The following COL5A2 variants were observed in gnomAD, a reference collection of about 807,000 sequenced individuals.
The protein encoded by COL5A2 is collagen alpha-2(V) chain.
Under a neutral mutation model 208.2 loss-of-function variants are expected in COL5A2, and 23 were observed. The ratio of observed to expected loss-of-function variants is 0.11; its 90% CI spans 0.08 to 0.16. The LOEUF is 0.16. Ranked by LOEUF, COL5A2 falls within the 10% of genes least tolerant of loss-of-function variation. The pLI, the probability that COL5A2 is intolerant of heterozygous loss-of-function variation, is 1.00. For synonymous variants in COL5A2, 625 were observed against 628.5 expected, an observed-to-expected ratio of 0.99 and a Z score of 0.08; for missense variants, 1,590 against 1,956.4, an observed-to-expected ratio of 0.81 and a Z score of 3.53.
intron 3 of COL5A2, among the ~76,000 whole-genome samples, chr2:189,103,852 C>T (rs987599997): frequency 5.9e-5 from 9 of 151,962 alleles, no homozygotes; most frequent in South Asian, 2.1e-4. Context: ...TGACATTCTT[C>T]GTTCCTTCCT....
the COL5A2 span, among the ~76,000 whole-genome samples, chr2:189,342,609 C>A: frequency 7.1e-6 from 1 of 139,896 alleles, no homozygotes; most frequent in African/African-American, 2.5e-5. Flanking sequence ...ATTCAGTTTA[C>A]CTTAGAGGCT....
At chr2:189,084,440 C>T (rs1320885675) in intron 11 of COL5A2, among the ~76,000 whole-genome samples, 1 of 152,064 alleles carries the variant, frequency 6.6e-6, no homozygotes, top group Non-Finnish European at 1.5e-5. Flanking sequence ...CATTTCTTTC[C>T]TGTGGTTAAA....
intron 1 of COL5A2, among the ~76,000 whole-genome samples, chr2:189,138,371 A>G (rs1336147936): frequency 6.6e-6 from 1 of 152,126 alleles, no homozygotes; most frequent in Non-Finnish European, 1.5e-5. Flanking sequence ...TATATCACAT[A>G]TAGGAAAAAT....
At chr2:189,343,906 A>G in the COL5A2 span, among the ~76,000 whole-genome samples, 1 of 152,216 alleles carries the variant, frequency 6.6e-6, no homozygotes, top group Non-Finnish European at 1.5e-5. Flanking sequence ...AACGTAGACA[A>G]AAATGTATGC....
intron 1 of COL5A2, among the ~76,000 whole-genome samples, chr2:189,134,882 T>C (rs949108133): frequency 2.6e-5 from 4 of 152,256 alleles, no homozygotes; most frequent in African/African-American, 9.6e-5. Flanking sequence ...CAATTAATTT[T>C]TCATTAGTAA....
intron 1 of COL5A2, among the ~76,000 whole-genome samples, chr2:189,202,720 T>C (rs1689093867): frequency 6.6e-6 from 1 of 152,160 alleles, no homozygotes; most frequent in Non-Finnish European, 1.5e-5. Flanking sequence ...TTGAGAATCA[T>C]CTTTAAAATC....
At chr2:189,273,500 T>C in the COL5A2 span, among the ~76,000 whole-genome samples, 1 of 152,096 alleles carries the variant, frequency 6.6e-6, no homozygotes, top group African/African-American at 2.4e-5. Context: ...CTACTGAATA[T>C]ACAGCCAAAG....
the COL5A2 span, among the ~76,000 whole-genome samples, chr2:189,366,003 T>TATG: frequency 3.9e-5 from 6 of 152,324 alleles, no homozygotes; most frequent in South Asian, 1.2e-3. Context: ...TCAGACATCC[T>TATG]ATGATTGCCT....
intron 12 of COL5A2, among the ~76,000 whole-genome samples, chr2:189,083,438 C>T (rs999616466): frequency 6.6e-6 from 1 of 151,908 alleles, no homozygotes; most frequent in Non-Finnish European, 1.5e-5. Flanking sequence ...GATTTTAGGA[C>T]CCAGAACATT....
the COL5A2 span, among the ~76,000 whole-genome samples, chr2:189,410,851 G>T: frequency 2.0e-5 from 3 of 152,032 alleles, no homozygotes; most frequent in Non-Finnish European, 4.4e-5. Context: ...AATTTTTACA[G>T]TACAAATGGT....
At chr2:189,379,429 T>C in the COL5A2 span, among the ~76,000 whole-genome samples, 1 of 152,140 alleles carries the variant, frequency 6.6e-6, no homozygotes, top group African/African-American at 2.4e-5. Flanking sequence ...TACGGCTGGA[T>C]GAAAGGGTAT....
chr2:189,276,021 G>A, the COL5A2 span, among the ~76,000 whole-genome samples: 4 of 152,126 alleles, frequency 2.6e-5, no homozygotes, highest in Non-Finnish European at 5.9e-5. Context: ...TTGTTTGCAT[G>A]AGGTTTAACA....
At chr2:189,055,146 G>A (rs1253580353) in intron 35 of COL5A2, among the ~76,000 whole-genome samples, 1 of 152,104 alleles carries the variant, frequency 6.6e-6, no homozygotes, top group Non-Finnish European at 1.5e-5. Flanking sequence ...GCCTCCCAAA[G>A]TGCTGGGATT....
the COL5A2 span, among the ~76,000 whole-genome samples, chr2:189,408,717 G>A: frequency 6.6e-6 from 1 of 152,138 alleles, no homozygotes; most frequent in South Asian, 2.1e-4. Flanking sequence ...CTAATATTCT[G>A]TTGGTCTCAT....
the COL5A2 span, among the ~76,000 whole-genome samples, chr2:189,385,342 TGA>T: frequency 6.6e-6 from 1 of 152,064 alleles, no homozygotes; most frequent in African/African-American, 2.4e-5. Context: ...ACATTCTAGC[TGA>T]GAGCCAAATC....
intron 1 of COL5A2, among the ~76,000 whole-genome samples, chr2:189,186,650 G>A (rs1484843084): frequency 3.9e-5 from 6 of 152,124 alleles, no homozygotes; most frequent in Non-Finnish European, 7.4e-5. Context: ...GAGGTTCAAA[G>A]AAATTATGTG....
the COL5A2 span, among the ~76,000 whole-genome samples, chr2:189,302,381 A>T: frequency 1.1e-4 from 16 of 152,154 alleles, 1 homozygote; most frequent in East Asian, 2.9e-3. Flanking sequence ...CCAGCTCCGT[A>T]CTCTACAGAC....
chr2:189,085,263 G>T, intron 10 of COL5A2, 50 bp from the exon 11 acceptor site: 1 of 1,408,190 alleles, frequency 7.1e-7, no homozygotes, highest in Non-Finnish European at 9.9e-7. Flanking sequence ...ACCTTTACTT[G>T]CCAGTAATAC....
At chr2:189,104,636 T>G (rs1687115054) in intron 2 of COL5A2, among the ~76,000 whole-genome samples, 1 of 151,848 alleles carries the variant, frequency 6.6e-6, no homozygotes, top group Non-Finnish European at 1.5e-5. Flanking sequence ...TTCATATGGT[T>G]CAAAAGCAAA....
Sources: allele counts gnomAD v4.1 joint callset (sites outside exome capture counted in the v4.1 genomes callset), GRCh38; gene constraint gnomAD v4.1.1; transcripts MANE v1.5; gene names NCBI Gene and HGNC (gene_info 2026-07-23, HGNC 2026-07-21).